GRIN2B: variants seen among roughly 807,000 people sequenced by gnomAD.
The protein encoded by GRIN2B is glutamate receptor ionotropic, NMDA 2B.
In GRIN2B, 5 loss-of-function variants were observed where a neutral mutation model predicts 114.5. The observed-to-expected ratio is 0.04, with a 90% CI of 0.02 to 0.09. The LOEUF is 0.09. GRIN2B is among the 10% of genes least tolerant of loss of function. The probability of loss-of-function intolerance (pLI) is 1.00; values close to 1 mark genes in which losing one functional copy is unlikely to be tolerated. For synonymous variants in GRIN2B, 787 were observed against 745.1 expected, an observed-to-expected ratio of 1.06 and a Z score of -0.92; for missense variants, 1,108 against 1,943.5, an observed-to-expected ratio of 0.57 and a Z score of 8.08.
At chr12:13,677,419 C>G (rs1284073083) in intron 4 of GRIN2B, among the ~76,000 whole-genome samples, 1 of 152,144 alleles carries the variant, frequency 6.6e-6, no homozygotes, top group South Asian at 2.1e-4. Flanking sequence ...GAATCAAACC[C>G]TCATGGATCA....
chr12:13,641,024 CAT>C (rs964238997), intron 5 of GRIN2B, among the ~76,000 whole-genome samples: 18 of 152,016 alleles, frequency 1.2e-4, no homozygotes, highest in African/African-American at 3.9e-4. Context: ...TTCCAGAAAA[CAT>C]AGAACTCTGA....
chr12:13,862,947 T>G (rs913761187), intron 3 of GRIN2B, among the ~76,000 whole-genome samples: 1 of 152,208 alleles, frequency 6.6e-6, no homozygotes, highest in Non-Finnish European at 1.5e-5. Context: ...TCTTTCTTCT[T>G]TTCCCTCTTG....
At chr12:13,607,423 ATT>A (rs1413036198) in intron 10 of GRIN2B, among the ~76,000 whole-genome samples, 8 of 82,284 alleles carry the variant, frequency 9.7e-5, no homozygotes, top group South Asian at 2.8e-4. Context: ...TATAATATAT[ATT>A]ATATATAATA....
Position 13,562,732 on chromosome 12 carries a change from G to C in GRIN2B, c.*51C>G. The C allele has an allele frequency of 6.9e-7, 1 of 1,450,600 alleles. No homozygotes were observed. Among genetic ancestry groups the C allele is most frequent in the Non-Finnish European group, 9.7e-7 (1 of 1,031,038 alleles). The allele number at this position is 1,450,600 out of a possible 1,614,324, so 89.9% of individuals were successfully genotyped here. ...ACCCTCCGTGACATGCGCATCACGC[G>C]ACCCACAGCCTTACCCTCCCGTACC... On this transcript the variant is annotated 3_prime_UTR_variant, in exon 14 of 14. Transcript: ENST00000609686.
intron 4 of GRIN2B, among the ~76,000 whole-genome samples, chr12:13,709,442 T>C (rs1950394384): frequency 6.6e-6 from 1 of 151,848 alleles, no homozygotes. Flanking sequence ...TTTCAACAAG[T>C]TAAAATCGAA....
intron 3 of GRIN2B, among the ~76,000 whole-genome samples, chr12:13,762,783 G>T (rs1211087538): frequency 1.3e-5 from 2 of 152,186 alleles, no homozygotes; most frequent in Non-Finnish European, 2.9e-5. Context: ...GCATGGCTGA[G>T]TTTAAAATGT....
At chr12:13,731,811 T>G (rs1272672377) in intron 4 of GRIN2B, among the ~76,000 whole-genome samples, 18 of 151,892 alleles carry the variant, frequency 1.2e-4, no homozygotes, top group Non-Finnish European at 1.5e-5. Flanking sequence ...CTCCCCATCT[T>G]GATTTACTCT....
chr12:13,650,308 CCT>C (rs1215084615), intron 5 of GRIN2B, among the ~76,000 whole-genome samples: 3 of 150,820 alleles, frequency 2.0e-5, no homozygotes, highest in Non-Finnish European at 3.0e-5. Flanking sequence ...CATTATCTTG[CCT>C]GAAACCTGTC....
intron 2 of GRIN2B, among the ~76,000 whole-genome samples, chr12:13,916,873 A>G (rs1217366310): frequency 6.6e-6 from 1 of 151,980 alleles, no homozygotes; most frequent in African/African-American, 2.4e-5. Flanking sequence ...GACATCTGGG[A>G]ACACAGAGAA....
intron 10 of GRIN2B, among the ~76,000 whole-genome samples, chr12:13,590,503 C>T (rs541260176): frequency 5.3e-5 from 8 of 152,226 alleles, no homozygotes; most frequent in Admixed American, 3.3e-4. Flanking sequence ...GTTTTCTGTT[C>T]CTGTGTTAGT....
At position 13,899,373 on chromosome 12, in the gene GRIN2B, T is replaced by A. The variant is rs968572702; in HGVS notation, c.-18-33147A>T. On this transcript the variant is annotated intron_variant, in intron 2 of 13. Transcript: ENST00000609686. ...ATAAAAATAAGACAAGACACTATGA[T>A]CTGGCAAAAGGAAGTGGGTCAGTGT... is the stretch of plus-strand genomic sequence containing the variant. 8.6e-5 allele frequency among the ~76,000 whole-genome samples: 13 copies of A among 151,922 alleles called. 1 individual carries two copies. The highest frequency in any genetic ancestry group is 7.9e-4 in the Admixed American group (12 of 15,270).
At position 13,551,231 on chromosome 12, in the gene GRIN2B, T is replaced by G. The variant is rs1239893483; in HGVS notation, c.*11552A>C. 1 of 152,108 alleles carries G rather than the reference T, an allele frequency of 6.6e-6. No individual in the cohort carries two copies. The highest frequency in any genetic ancestry group is 1.5e-5 in the Non-Finnish European group (1 of 68,004). The allele number at this position is 152,108 out of a possible 1,614,324, so 9.4% of individuals were successfully genotyped here. On this transcript the variant is annotated 3_prime_UTR_variant, in exon 14 of 14. Transcript: ENST00000609686. ...AATTCTCCTACCCTTATTCCTCCCA[T>G]TGAGAACAGACCTCTCCACCTCTGC...
intron 5 of GRIN2B, among the ~76,000 whole-genome samples, chr12:13,639,159 C>T (rs988753496): frequency 6.6e-6 from 1 of 152,088 alleles, no homozygotes; most frequent in African/African-American, 2.4e-5. Context: ...CTACCAAAGC[C>T]ATATTCTTTC....
intron 2 of GRIN2B, among the ~76,000 whole-genome samples, chr12:13,890,077 C>T (rs768792176): frequency 3.9e-5 from 6 of 152,184 alleles, no homozygotes; most frequent in East Asian, 1.9e-4. Flanking sequence ...GTCCACAAGA[C>T]GTCAGCCTTC....
intron 2 of GRIN2B, among the ~76,000 whole-genome samples, chr12:13,879,889 C>A (rs1254522363): frequency 6.6e-6 from 1 of 152,242 alleles, no homozygotes; most frequent in Non-Finnish European, 1.5e-5. Context: ...AACTCTCCCA[C>A]CTTAAATTAA....
At chr12:13,802,286 A>G (rs1864529654) in intron 3 of GRIN2B, among the ~76,000 whole-genome samples, 1 of 152,072 alleles carries the variant, frequency 6.6e-6, no homozygotes, top group African/African-American at 2.4e-5. Context: ...TAAATCAACT[A>G]AATAGAAATT....
intron 3 of GRIN2B, among the ~76,000 whole-genome samples, chr12:13,794,409 G>T (rs1864379833): frequency 1.3e-5 from 2 of 152,108 alleles, no homozygotes; most frequent in Non-Finnish European, 2.9e-5. Flanking sequence ...CAAAGGCACT[G>T]CTCTACTAAA....
At chr12:13,577,115 C>A (rs574066808) in intron 10 of GRIN2B, among the ~76,000 whole-genome samples, 1 of 152,278 alleles carries the variant, frequency 6.6e-6, no homozygotes, top group Admixed American at 6.5e-5. Context: ...GCTAGCTGAA[C>A]AGTCCTACTG....
At chr12:13,819,940 G>A (rs1205260294) in intron 3 of GRIN2B, among the ~76,000 whole-genome samples, 1 of 152,086 alleles carries the variant, frequency 6.6e-6, no homozygotes, top group Non-Finnish European at 1.5e-5. Flanking sequence ...TAAACTTCCT[G>A]CACTGGGGTT....
Sources: gnomAD v4.1 joint callset for allele counts (sites outside exome capture counted in the v4.1 genomes callset) on GRCh38, gnomAD v4.1.1 for gene constraint, MANE v1.5 for transcripts, NCBI Gene and HGNC (gene_info 2026-07-23, HGNC 2026-07-21) for gene names.